Variants in KCTD18 observed in about 807,000 individuals in gnomAD.
KCTD18 encodes BTB/POZ domain-containing protein KCTD18.
KCTD18 carries 22 observed loss-of-function variants against 30.4 expected under a neutral mutation model. The observed-to-expected ratio is 0.72, with a 90% confidence interval of 0.52 to 1.03. The LOEUF is 1.03. Among genes scored for constraint, KCTD18 ranks in the 50% least tolerant of loss-of-function variants. KCTD18 has a pLI of 0.00. For synonymous variants in KCTD18, 186 were observed against 209.0 expected (o/e 0.89, Z 0.95); for missense variants, 529 against 547.6 (o/e 0.97, Z 0.34).
intron 5 of KCTD18, 192 bp downstream of exon 5, chr2:200,497,561 T>C: frequency 3.7e-6 from 2 of 547,776 alleles, no homozygotes; most frequent in Non-Finnish European, 6.5e-6. Context: ...TTATAAACTA[T>C]TAATAATATC....
At chr2:200,499,187 A>T (rs1225829372) in intron 3 of KCTD18, 103 bp from the exon 4 acceptor site, 1 of 751,746 alleles carries the variant, frequency 1.3e-6, no homozygotes, top group African/African-American at 1.8e-5. Flanking sequence ...CTAGTTGATC[A>T]TAAGGGAAAT....
At chr2:200,508,299 A>G (rs1236444112) in intron 1 of KCTD18, among the ~76,000 whole-genome samples, 1 of 152,146 alleles carries the variant, frequency 6.6e-6, no homozygotes, top group African/African-American at 2.4e-5. Context: ...CATATTGGGC[A>G]GTCTGGTCTC....
intron 5 of KCTD18, 22 bp from the exon 6 acceptor site, chr2:200,493,296 T>C: frequency 7.5e-7 from 1 of 1,339,500 alleles, no homozygotes; most frequent in Non-Finnish European, 1.1e-6. Flanking sequence ...AAAGACATAA[T>C]TAAGACAGCT....
rs1203225484 is a variant in KCTD18 at position 200,501,105 on chromosome 2, C to T, written c.373-2021G>A. Among the ~76,000 whole-genome samples, 9 of 152,168 alleles carry T rather than the reference C, an allele frequency of 5.9e-5. No individual in the cohort carries two copies. The East Asian group carries it at 1.3e-3, about 23-fold the overall frequency. On this transcript the variant is annotated intron_variant, in intron 3 of 6. Transcript: ENST00000359878. ...ATATGTAGAAAGCTGAAACTGGATCCCTTCCTTACACCGTATACAAAAATC... is the reference window on the plus strand; with the variant it reads ...ATATGTAGAAAGCTGAAACTGGATCTCTTCCTTACACCGTATACAAAAATC...
At chr2:200,502,948 T>C (rs1211699358) in intron 3 of KCTD18, among the ~76,000 whole-genome samples, 1 of 151,308 alleles carries the variant, frequency 6.6e-6, no homozygotes, top group Non-Finnish European at 1.5e-5. Flanking sequence ...GAGAATCACT[T>C]GAACCCGGGA....
At position 200,490,226 on chromosome 2, in the gene KCTD18, G is replaced by A. The variant is rs776393291; in HGVS notation, c.1155C>T (p.Cys385=). The change falls in exon 7 of 7, where the codon TGC becomes TGT. Residue 385 remains cysteine, a synonymous_variant. Coordinates refer to ENST00000359878, the MANE Select transcript of KCTD18 (RefSeq NM_152387.4). Reference sequence around the variant, plus strand: ...GGGAGGGCAGGCAAGGCGCGGTGGCGCACAGCGGAGTCCTCTTCAGCTTTA... The same window carrying A: ...GGGAGGGCAGGCAAGGCGCGGTGGCACACAGCGGAGTCCTCTTCAGCTTTA... The part of the protein sequence containing the change: ...RVIKLKRTPL[C]ATAPCLPSPT... The A allele has an allele frequency of 3.7e-6, 6 of 1,614,046 alleles. No homozygotes were observed. The South Asian group carries it at 5.5e-5, about 15-fold the overall frequency.
chr2:200,500,937 A>T (rs962864879), intron 3 of KCTD18, among the ~76,000 whole-genome samples: 289 of 151,946 alleles, frequency 1.9e-3, no homozygotes, highest in Non-Finnish European at 3.6e-3. Context: ...CAAAACAGAG[A>T]TATAGATCAA....
At chr2:200,494,692 T>C (rs910219428) in intron 5 of KCTD18, among the ~76,000 whole-genome samples, 3 of 152,098 alleles carry the variant, frequency 2.0e-5, no homozygotes, top group Admixed American at 6.5e-5. Flanking sequence ...AAAAGTCAGA[T>C]TTATTAAGAT....
In KCTD18 at chr2:200,497,809, T is replaced by G; in HGVS notation, c.605A>C (p.Tyr202Ser). 6.2e-7 allele frequency: 1 copy of G among 1,612,640 alleles called. No homozygotes were observed. The highest frequency in any genetic ancestry group is 1.1e-5 in the South Asian group (1 of 91,066). ...CATTTTCTTCAACTCTGCTACTGAATAATAGCTCCAAATGTACTGAACATT... is the reference window on the plus strand; with the variant it reads ...CATTTTCTTCAACTCTGCTACTGAAGAATAGCTCCAAATGTACTGAACATT... ...GNNVQYIWSY[Y>S]SVAELKKMMD... Residue 202 changes from tyrosine to serine, a missense_variant, in exon 5 of 7, where the codon TAT (tyrosine) becomes TCT (serine). Tyr to Ser is a moderately radical substitution (Grantham distance 144). Transcript: ENST00000359878.
intron 6 of KCTD18, among the ~76,000 whole-genome samples, chr2:200,492,744 T>C (rs762398808): frequency 6.6e-6 from 1 of 152,198 alleles, no homozygotes; most frequent in Non-Finnish European, 1.5e-5. Context: ...GAAAATACCA[T>C]TTAATAAAAG....
intron 2 of KCTD18, among the ~76,000 whole-genome samples, chr2:200,505,881 A>G (rs1358925736): frequency 1.3e-5 from 2 of 152,274 alleles, no homozygotes; most frequent in East Asian, 1.9e-4. Context: ...AAAAGAGAGA[A>G]AAACCTCTAC....
At chr2:200,507,550 G>A (rs1220319301) in intron 1 of KCTD18, among the ~76,000 whole-genome samples, 3 of 152,196 alleles carry the variant, frequency 2.0e-5, no homozygotes, top group Non-Finnish European at 4.4e-5. Flanking sequence ...TAAAATGGAG[G>A]CAGTGATGAT....
intron 3 of KCTD18, among the ~76,000 whole-genome samples, chr2:200,503,735 C>T (rs2106283583): frequency 6.6e-6 from 1 of 152,318 alleles, no homozygotes; most frequent in East Asian, 1.9e-4. Context: ...TCTATTCATG[C>T]TGCACTCCTA....
intron 3 of KCTD18, among the ~76,000 whole-genome samples, chr2:200,504,326 G>A (rs2030039187): frequency 1.3e-5 from 2 of 152,036 alleles, no homozygotes. Flanking sequence ...GGGCATAGTG[G>A]CAGGCGCCTG....
At chr2:200,498,676 T>G (rs1324577837) in intron 4 of KCTD18, among the ~76,000 whole-genome samples, 1 of 152,216 alleles carries the variant, frequency 6.6e-6, no homozygotes. Context: ...CACTAGATCA[T>G]GCAGATGGCA....
intron 2 of KCTD18, among the ~76,000 whole-genome samples, chr2:200,505,471 G>A (rs1296251265): frequency 2.6e-5 from 4 of 152,100 alleles, no homozygotes; most frequent in Non-Finnish European, 5.9e-5. Flanking sequence ...GGACCTTTGC[G>A]TTCTCACTAC....
In KCTD18 at chr2:200,499,013, A is replaced by G; in HGVS notation, c.444T>C (p.Leu148=). 1 of 1,614,112 alleles carries G rather than the reference A, an allele frequency of 6.2e-7. No homozygotes were observed. The highest frequency in any genetic ancestry group is 1.1e-5 in the South Asian group (1 of 91,076). The change falls in exon 4 of 7, where the codon CTT becomes CTC. Residue 148 remains leucine (L), a synonymous_variant. Transcript: ENST00000359878. ...TCTCACAGCTTGCACCAGATGTGTT[A>G]AGATAGTGGAGAACCCAAACTGTTG... ...NKPTVWVLHY[L]NTSGASCESR...
At chr2:200,492,848 G>A (rs1260523305) in intron 6 of KCTD18, among the ~76,000 whole-genome samples, 3 of 151,756 alleles carry the variant, frequency 2.0e-5, no homozygotes, top group Non-Finnish European at 4.4e-5. Flanking sequence ...TTTTACTATT[G>A]CCAGTAAAGC....
At chr2:200,504,240 C>T (rs565343586) in intron 3 of KCTD18, among the ~76,000 whole-genome samples, 9 of 152,262 alleles carry the variant, frequency 5.9e-5, no homozygotes, top group African/African-American at 1.7e-4. Context: ...GGGCGGATCA[C>T]GAGGTCAGCA....
Sources: gnomAD v4.1 joint callset for allele counts (sites outside exome capture counted in the v4.1 genomes callset) on GRCh38, gnomAD v4.1.1 for gene constraint, MANE v1.5 for transcripts, NCBI Gene and HGNC (gene_info 2026-07-23, HGNC 2026-07-21) for gene names.